Variants in CLIP2 observed in about 807,000 individuals in gnomAD.
The protein encoded by CLIP2 is CAP-Gly domain-containing linker protein 2.
In CLIP2, 41 loss-of-function variants were observed where a neutral mutation model predicts 111.7. The observed-to-expected ratio is 0.37, with a 90% CI of 0.29 to 0.48. The LOEUF (loss-of-function observed/expected upper bound fraction) is 0.48. Ranked by LOEUF, CLIP2 falls within the 20% of genes least tolerant of loss-of-function variation. The pLI is 0.99. For missense variants in CLIP2, 1,160 were observed against 1,422.1 expected, an observed-to-expected ratio of 0.82 and a Z score of 2.96; for synonymous variants, 660 against 644.2, an observed-to-expected ratio of 1.02 and a Z score of -0.37.
chr7:74,316,410 A>AATTTTTT (rs1412510906), intron 1 of CLIP2, among the ~76,000 whole-genome samples: 1 of 151,732 alleles, frequency 6.6e-6, no homozygotes, highest in Non-Finnish European at 1.5e-5. Flanking sequence ...ACGCCTGGCT[A>AATTTTTT]ATTTTTTATT....
intron 2 of CLIP2, among the ~76,000 whole-genome samples, chr7:74,321,902 C>T (rs1221663451): frequency 6.6e-6 from 1 of 151,932 alleles, no homozygotes; most frequent in African/African-American, 2.4e-5. Flanking sequence ...TCCAGACGTG[C>T]AAACTCCATT....
rs782292609 is a variant in CLIP2 at position 74,376,146 on chromosome 7, G to A, written c.1745G>A (p.Arg582His). Residue 582 changes from arginine (R) to histidine (H), a missense_variant, in exon 10 of 17, where the codon CGC becomes CAC. Around this residue, in one of 5 missense-constraint regions of CLIP2, gnomAD observed 676 missense variants for 777.8 expected, o/e 0.87. Transcript: ENST00000223398. The surrounding 1 kb of genome is among the most constrained non-coding windows in gnomAD (Gnocchi z 7.1). ...KAYQAEVDKL[R>H]AANEKYAQEV... ...TACCAGGCGGAGGTGGACAAGCTCC[G>A]CGCGGCCAACGAGAAGTACGCACAG... is the stretch of plus-strand genomic sequence containing the variant. 2.1e-5 allele frequency: 33 copies of A among 1,609,436 alleles called. No homozygotes were observed. Among genetic ancestry groups the A allele is most frequent in the Non-Finnish European group, 2.5e-5 (30 of 1,177,916 alleles).
chr7:74,304,983 T>A (rs1175544347), intron 1 of CLIP2, among the ~76,000 whole-genome samples: 1 of 151,896 alleles, frequency 6.6e-6, no homozygotes, highest in Non-Finnish European at 1.5e-5. Context: ...AATAAATAAA[T>A]AAATAAAGTC....
intron 14 of CLIP2, 123 bp from the exon 15 acceptor site, chr7:74,400,247 T>G: frequency 1.3e-6 from 1 of 787,912 alleles, no homozygotes; most frequent in Non-Finnish European, 2.0e-6. Flanking sequence ...GACCTCTGGG[T>G]GATGCCCAGG....
At chr7:74,310,716 CTTT>C (rs782004421) in intron 1 of CLIP2, among the ~76,000 whole-genome samples, 2 of 143,006 alleles carry the variant, frequency 1.4e-5, no homozygotes, top group Non-Finnish European at 3.1e-5. Flanking sequence ...TTTTAACTTT[CTTT>C]TTTTTTTTTT....
At chr7:74,344,104 AC>A (rs1789739123) in intron 3 of CLIP2, among the ~76,000 whole-genome samples, 1 of 151,960 alleles carries the variant, frequency 6.6e-6, no homozygotes, top group Non-Finnish European at 1.5e-5. Context: ...AGTAGGTTTA[AC>A]CCTAGTTTGA....
intron 1 of CLIP2, among the ~76,000 whole-genome samples, chr7:74,292,623 A>G (rs1317869489): frequency 6.6e-6 from 1 of 151,872 alleles, no homozygotes; most frequent in Non-Finnish European, 1.5e-5. Flanking sequence ...CCTGACCTCA[A>G]GTGATCCGCC....
intron 2 of CLIP2, among the ~76,000 whole-genome samples, chr7:74,325,047 G>A (rs924907156): frequency 2.6e-5 from 4 of 152,182 alleles, no homozygotes; most frequent in Non-Finnish European, 5.9e-5. Context: ...GTGGTTTGTG[G>A]GGAGGGGAGC....
At chr7:74,363,284 G>A (rs1402615134) in intron 7 of CLIP2, among the ~76,000 whole-genome samples, 1 of 152,208 alleles carries the variant, frequency 6.6e-6, no homozygotes, top group Non-Finnish European at 1.5e-5. Context: ...TTACGGGCGT[G>A]AGCCACTGCA....
At chr7:74,297,625 C>A (rs1788209508) in intron 1 of CLIP2, among the ~76,000 whole-genome samples, 1 of 152,076 alleles carries the variant, frequency 6.6e-6, no homozygotes, top group Non-Finnish European at 1.5e-5. Flanking sequence ...TGGGAACACT[C>A]CATGCCTTGC....
At chr7:74,307,827 G>T (rs555602265) in intron 1 of CLIP2, among the ~76,000 whole-genome samples, 10 of 151,678 alleles carry the variant, frequency 6.6e-5, no homozygotes, top group East Asian at 5.8e-4. Flanking sequence ...GCTGGGGGGT[G>T]GTTCAGGAGG....
At chr7:74,358,393 G>A (rs1434453901) in intron 6 of CLIP2, among the ~76,000 whole-genome samples, 1 of 151,508 alleles carries the variant, frequency 6.6e-6, no homozygotes, top group Non-Finnish European at 1.5e-5. Context: ...ATAGGGATGG[G>A]GTCATGCTGT....
chr7:74,359,542 A>C (rs1790260542), intron 6 of CLIP2, among the ~76,000 whole-genome samples: 1 of 151,662 alleles, frequency 6.6e-6, no homozygotes, highest in Non-Finnish European at 1.5e-5. Flanking sequence ...TTTTTAGTAG[A>C]GATGGGGTTT....
chr7:74,375,246 G>A (rs1167054320), intron 9 of CLIP2, among the ~76,000 whole-genome samples: 2 of 146,270 alleles, frequency 1.4e-5, no homozygotes, highest in Non-Finnish European at 3.0e-5. Flanking sequence ...CTAGACCCCC[G>A]TCTCTTTTAA....
chr7:74,390,182 AAAG>A (rs1276369199), intron 13 of CLIP2, among the ~76,000 whole-genome samples: 4 of 89,678 alleles, frequency 4.5e-5, no homozygotes, highest in Non-Finnish European at 1.0e-4. Flanking sequence ...AGAAAGAAAG[AAAG>A]AAAGAAAGAA....
In CLIP2 at chr7:74,383,132, C is replaced by T. The variant is rs1040908618; in HGVS notation, c.2479+2269C>T. 7.3e-5 allele frequency among the ~76,000 whole-genome samples: 11 copies of T among 150,820 alleles called. No individual in the cohort carries two copies. In the Admixed American group the frequency reaches 7.3e-4, roughly 10 times the overall value. ...TCTTTTTTAGTTTAAAAAATGTATC[C>T]AGTGGTTTCTTCTGGTACTTTTCTG... On this transcript the variant is annotated intron_variant, in intron 11 of 16. Transcript: ENST00000223398.
intron 8 of CLIP2, among the ~76,000 whole-genome samples, chr7:74,367,960 C>T (rs1554311108): frequency 6.6e-6 from 1 of 152,088 alleles, no homozygotes; most frequent in East Asian, 1.9e-4. Context: ...TGCTTGTAAT[C>T]CAAGCACTTT....
intron 2 of CLIP2, among the ~76,000 whole-genome samples, chr7:74,332,538 TC>T (rs1463088254): frequency 7.1e-6 from 1 of 141,784 alleles, no homozygotes; most frequent in African/African-American, 2.5e-5. Context: ...CCTCAAGTGA[TC>T]CTCCTGCCCT....
At chr7:74,392,957 CT>C (rs1791336104) in intron 13 of CLIP2, among the ~76,000 whole-genome samples, 1 of 152,180 alleles carries the variant, frequency 6.6e-6, no homozygotes, top group Non-Finnish European at 1.5e-5. Flanking sequence ...CGTGGGCCCC[CT>C]GAGTCTCCTG....
Sources: allele counts gnomAD v4.1 joint callset (sites outside exome capture counted in the v4.1 genomes callset), GRCh38; gene constraint gnomAD v4.1.1; regional missense constraint gnomAD v4.1.1; non-coding constraint Gnocchi (gnomAD v3.1); transcripts MANE v1.5; gene names NCBI Gene and HGNC (gene_info 2026-07-23, HGNC 2026-07-21).